Variants in IL1RAPL1 observed in about 807,000 individuals in gnomAD.
The protein encoded by IL1RAPL1 is interleukin 1 receptor accessory protein like 1.
Under a neutral mutation model 48.4 loss-of-function variants are expected in IL1RAPL1, and 3 were observed. That is an observed-to-expected ratio of 0.06 (90% CI 0.03 to 0.16). The LOEUF is 0.16. Ranked by LOEUF, IL1RAPL1 falls within the 10% of genes least tolerant of loss-of-function variation. The pLI, the probability that IL1RAPL1 is intolerant of heterozygous loss-of-function variation, is 1.00. For synonymous variants in IL1RAPL1, 185 were observed against 187.7 expected (o/e 0.99, Z 0.12); for missense variants, 349 against 530.6 (o/e 0.66, Z 3.36).
At chrX:29,169,807 A>C (rs910923069) in intron 2 of IL1RAPL1, among the ~76,000 whole-genome samples, 1 of 111,239 alleles carries the variant, frequency 9.0e-6, no homozygotes, top group Non-Finnish European at 1.9e-5. Context: ...GCAATAAAGG[A>C]TAAGAAAATA....
chrX:28,869,814 T>A lies in IL1RAPL1; in HGVS notation c.82+80389T>A, dbSNP rs368445581. ...GCCATCGTCACAGCCAATTTTAGAA[T>A]ATTTTATTTAACCCCCAAAAAACCC... On this transcript the variant is annotated intron_variant, in intron 2 of 10. Transcript: ENST00000378993. Among the ~76,000 whole-genome samples, 9 of 111,801 alleles carry A rather than the reference T, an allele frequency of 8.1e-5. No individual in the cohort carries two copies. The East Asian group carries it at 2.5e-3, about 32-fold the overall frequency.
intron 2 of IL1RAPL1, among the ~76,000 whole-genome samples, chrX:28,941,695 T>G (rs1385827487): frequency 9.0e-6 from 1 of 111,147 alleles, no homozygotes; most frequent in Non-Finnish European, 1.9e-5. Context: ...ACTGATCCTT[T>G]TAGACATATG....
chrX:28,993,005 C>T (rs1343026193), intron 2 of IL1RAPL1, among the ~76,000 whole-genome samples: 2 of 111,772 alleles, frequency 1.8e-5, no homozygotes, highest in African/African-American at 6.5e-5. Flanking sequence ...AATGTGATTA[C>T]CAGATCAGCA....
intron 3 of IL1RAPL1, among the ~76,000 whole-genome samples, chrX:29,320,908 C>T (rs1272486836): frequency 1.8e-5 from 2 of 110,845 alleles, no homozygotes; most frequent in African/African-American, 6.6e-5. Flanking sequence ...AACTCATTAT[C>T]ATTATTATTA....
In IL1RAPL1 at chrX:29,955,976, T is replaced by G; in HGVS notation, c.*156T>G. 1 of 493,961 alleles carries G rather than the reference T, an allele frequency of 2.0e-6. No homozygotes were observed. The highest frequency in any genetic ancestry group is 3.6e-6 in the Non-Finnish European group (1 of 275,032). The allele number at this position is 493,961 out of a possible 1,213,427, so 40.7% of individuals were successfully genotyped here. The stretch of plus-strand genomic sequence containing the variant: ...GTCTTGTACATATGTTTTTTGGAAT[T>G]TCTTTGTAGCATCAGTGTCCTCCTG... On this transcript the variant is annotated 3_prime_UTR_variant, in exon 11 of 11. Coordinates refer to ENST00000378993, the MANE Select transcript of IL1RAPL1 (RefSeq NM_014271.4).
At chrX:29,177,408 T>C (rs1202917963) in intron 2 of IL1RAPL1, among the ~76,000 whole-genome samples, 2 of 112,083 alleles carry the variant, frequency 1.8e-5, no homozygotes, top group Non-Finnish European at 3.8e-5. Flanking sequence ...TCCAGCTGAA[T>C]AGACCTATTT....
intron 8 of IL1RAPL1, among the ~76,000 whole-genome samples, chrX:29,923,337 T>G (rs990429874): frequency 8.9e-6 from 1 of 112,251 alleles, no homozygotes; most frequent in Non-Finnish European, 1.9e-5. Flanking sequence ...AGAAAAGGTA[T>G]TAGGTTCATC....
intron 2 of IL1RAPL1, among the ~76,000 whole-genome samples, chrX:29,013,927 C>T (rs1338917844): frequency 9.0e-6 from 1 of 111,304 alleles, no homozygotes; most frequent in Non-Finnish European, 1.9e-5. Flanking sequence ...GTCATAGCAA[C>T]AATTTTTGGG....
intron 6 of IL1RAPL1, among the ~76,000 whole-genome samples, chrX:29,807,386 G>T (rs890301062): frequency 1.2e-4 from 13 of 108,599 alleles, no homozygotes; most frequent in African/African-American, 4.0e-4. Flanking sequence ...AGGCTGAGAC[G>T]GGCAAATCAC....
intron 2 of IL1RAPL1, among the ~76,000 whole-genome samples, chrX:29,205,643 G>C (rs1019383808): frequency 5.4e-5 from 6 of 111,699 alleles, no homozygotes; most frequent in Non-Finnish European, 1.9e-5. Flanking sequence ...GTAACTGTGA[G>C]GATTAAATGA....
intron 6 of IL1RAPL1, among the ~76,000 whole-genome samples, chrX:29,855,539 C>T (rs1179640640): frequency 9.0e-6 from 1 of 111,514 alleles, no homozygotes; most frequent in African/African-American, 3.3e-5. Context: ...CATCTACCAA[C>T]ATTCTGGTTT....
chrX:29,565,575 A>G (rs1264280828), intron 5 of IL1RAPL1, among the ~76,000 whole-genome samples: 1 of 112,391 alleles, frequency 8.9e-6, no homozygotes, highest in Non-Finnish European at 1.9e-5. Context: ...GAAAATGTCA[A>G]TTAAATATAT....
rs775375621 is a variant in IL1RAPL1 at position 28,722,597 on chromosome X, C to T, written c.-24-66723C>T. On this transcript the variant is annotated intron_variant, in intron 1 of 10. Transcript: ENST00000378993. ...ATACCCTTTATTTCTTTCTCCTGCC[C>T]GATTGCCCTGGCCAGAACTTCCAAC... Among the ~76,000 whole-genome samples the T allele has an allele frequency of 6.6e-3, 732 of 111,021 alleles. 9 individuals carry two copies. Among genetic ancestry groups the T allele is most frequent in the African/African-American group, 0.022 (682 of 30,555 alleles).
chrX:29,788,225 T>C lies in IL1RAPL1; in HGVS notation c.778+119721T>C, dbSNP rs143488688. On this transcript the variant is annotated intron_variant, in intron 6 of 10. Transcript: ENST00000378993. The stretch of plus-strand genomic sequence containing the variant: ...ACAAAGATTTATTGAGTGACTACTA[T>C]GTACCAGGCACTCTTTTAGGGACGT... Among the ~76,000 whole-genome samples the C allele has an allele frequency of 2.3e-3, 259 of 112,020 alleles. 1 individual carries two copies. The highest frequency in any genetic ancestry group is 7.6e-3 in the African/African-American group (236 of 30,923).
chrX:29,579,923 A>G (rs1191368363), intron 5 of IL1RAPL1, among the ~76,000 whole-genome samples: 1 of 111,777 alleles, frequency 8.9e-6, no homozygotes, highest in Admixed American at 9.5e-5. Flanking sequence ...TAAAAATTAT[A>G]GACTTTTTTG....
At chrX:28,715,272 T>C (rs1397730932) in intron 1 of IL1RAPL1, among the ~76,000 whole-genome samples, 1 of 112,167 alleles carries the variant, frequency 8.9e-6, no homozygotes, top group Non-Finnish European at 1.9e-5. Context: ...ACATGGAAAC[T>C]GAATAAGCTG....
chrX:28,776,833 G>A (rs1284741072), intron 1 of IL1RAPL1, among the ~76,000 whole-genome samples: 2 of 111,609 alleles, frequency 1.8e-5, no homozygotes, highest in Non-Finnish European at 3.8e-5. Context: ...ACAAATGTTG[G>A]CAGTTATTAT....
intron 1 of IL1RAPL1, among the ~76,000 whole-genome samples, chrX:28,740,643 A>G (rs1273159946): frequency 9.0e-6 from 1 of 110,553 alleles, no homozygotes; most frequent in Admixed American, 9.7e-5. Flanking sequence ...TAGTTTTTCA[A>G]TCCTCACCCT....
Position 29,955,597 on chromosome X carries a change from A to G in IL1RAPL1, c.1868A>G (p.His623Arg). 8.3e-7 allele frequency: 1 copy of G among 1,206,255 alleles called. No homozygotes were observed. The highest frequency in any genetic ancestry group is 1.1e-6 in the Non-Finnish European group (1 of 892,162). ...NTYHSQMRQK[H>R]YYRSYEYDVP... ...TACCATTCACAAATGCGTCAGAAACACTACTACCGAAGCTATGAGTACGAC... is the reference window on the plus strand; with the variant it reads ...TACCATTCACAAATGCGTCAGAAACGCTACTACCGAAGCTATGAGTACGAC... Residue 623 changes from histidine to arginine, a missense_variant, in exon 11 of 11, where the codon CAC (histidine) becomes CGC (arginine). Coordinates refer to ENST00000378993, the MANE Select transcript of IL1RAPL1 (RefSeq NM_014271.4).
Sources: gnomAD v4.1 joint callset for allele counts (sites outside exome capture counted in the v4.1 genomes callset) on GRCh38, gnomAD v4.1.1 for gene constraint, MANE v1.5 for transcripts, NCBI Gene and HGNC (gene_info 2026-07-23, HGNC 2026-07-21) for gene names.